TMEM71: variants seen among roughly 807,000 people sequenced by gnomAD.
The protein encoded by TMEM71 is transmembrane protein 71.
In TMEM71, 44 loss-of-function variants were observed where a neutral mutation model predicts 38.0. The observed-to-expected ratio is 1.16, with a 90% CI of 0.91 to 1.49. The LOEUF (loss-of-function observed/expected upper bound fraction) is 1.49. Among genes scored for constraint, TMEM71 ranks in the 40% most tolerant of loss-of-function variants. The probability of loss-of-function intolerance (pLI) is 0.00; values close to 1 mark genes in which losing one functional copy is unlikely to be tolerated. For missense variants in TMEM71, 367 were observed against 348.6 expected (o/e 1.05, Z -0.42); for synonymous variants, 133 against 122.5 (o/e 1.09, Z -0.56).
chr8:132,718,159 G>C (rs1021814057), intron 7 of TMEM71, among the ~76,000 whole-genome samples: 3 of 152,218 alleles, frequency 2.0e-5, no homozygotes, highest in Admixed American at 2.0e-4. Context: ...TATAGAATTA[G>C]AGTGGTGATG....
chr8:132,754,331 C>T (rs552211589), intron 3 of TMEM71, among the ~76,000 whole-genome samples: 1 of 152,244 alleles, frequency 6.6e-6, no homozygotes, highest in Admixed American at 6.5e-5. Flanking sequence ...CTATCGATTT[C>T]TAGTCTTTTT....
At chr8:132,722,872 A>G (rs762608196) in intron 6 of TMEM71, among the ~76,000 whole-genome samples, 2 of 152,252 alleles carry the variant, frequency 1.3e-5, no homozygotes, top group Non-Finnish European at 2.9e-5. Context: ...AGTTAATTCA[A>G]TCATGAACCT....
At chr8:132,747,965 G>A (rs1828485996) in intron 4 of TMEM71, among the ~76,000 whole-genome samples, 1 of 152,190 alleles carries the variant, frequency 6.6e-6, no homozygotes, top group Admixed American at 6.5e-5. Flanking sequence ...AGCAGAGGGT[G>A]GCTCAGAGGT....
chr8:132,771,031 A>G, the TMEM71 span, among the ~76,000 whole-genome samples: 1 of 152,248 alleles, frequency 6.6e-6, no homozygotes, highest in South Asian at 2.1e-4. Flanking sequence ...GATAAAAATC[A>G]GGAGAGGTGC....
chr8:132,752,899 C>A lies in TMEM71; in HGVS notation c.102-902G>T, dbSNP rs550745430. 3.3e-5 allele frequency among the ~76,000 whole-genome samples: 5 copies of A among 150,272 alleles called. No homozygotes were observed. The East Asian group carries it at 9.8e-4, about 29-fold the overall frequency. On this transcript the variant is annotated intron_variant, in intron 3 of 9. Transcript: ENST00000677595. ...AGGAAGGAAGGAAGGAATCACATGG[C>A]CCTATAATTGAAAGGCAACCAAATT...
At chr8:132,740,826 T>G (rs920243684) in intron 5 of TMEM71, among the ~76,000 whole-genome samples, 3 of 152,202 alleles carry the variant, frequency 2.0e-5, no homozygotes, top group African/African-American at 7.2e-5. Flanking sequence ...CACTTGAGAT[T>G]CTTAAGCATT....
At chr8:132,717,411 T>A (rs1175445852) in intron 7 of TMEM71, among the ~76,000 whole-genome samples, 2 of 152,182 alleles carry the variant, frequency 1.3e-5, no homozygotes, top group African/African-American at 4.8e-5. Flanking sequence ...ACAGCCTGGT[T>A]TAAAAAGTGT....
At chr8:132,727,384 G>A (rs1827203996) in intron 6 of TMEM71, among the ~76,000 whole-genome samples, 1 of 151,516 alleles carries the variant, frequency 6.6e-6, no homozygotes, top group East Asian at 2.0e-4. Flanking sequence ...AGCCTCCCGA[G>A]TAGCTGGGAC....
At chr8:132,762,513 A>T (rs1345158280), upstream of TMEM71, among the ~76,000 whole-genome samples, 1 of 152,030 alleles carries the variant, frequency 6.6e-6, no homozygotes, top group African/African-American at 2.4e-5. Flanking sequence ...CACATATTAG[A>T]ACCTTATTAT....
At chr8:132,712,759 G>T (rs543687376) in intron 9 of TMEM71, among the ~76,000 whole-genome samples, 17 of 152,268 alleles carry the variant, frequency 1.1e-4, no homozygotes, top group African/African-American at 4.1e-4. Context: ...TCTTAATAAA[G>T]ATTTGGTAAC....
intron 3 of TMEM71, among the ~76,000 whole-genome samples, chr8:132,756,726 A>C (rs1365724145): frequency 6.6e-6 from 1 of 151,650 alleles, no homozygotes; most frequent in Non-Finnish European, 1.5e-5. Flanking sequence ...AGCTGAGATT[A>C]CAGGCACATA....
chr8:132,753,675 A>G (rs1415985109), intron 3 of TMEM71, among the ~76,000 whole-genome samples: 2 of 152,172 alleles, frequency 1.3e-5, no homozygotes, highest in Non-Finnish European at 2.9e-5. Flanking sequence ...TCCCCCTCTA[A>G]GCCCATAATT....
chr8:132,758,417 A>C (rs78975341), intron 2 of TMEM71: 3,471 of 173,618 alleles, frequency 0.02, 57 homozygotes, highest in Middle Eastern at 0.056. Flanking sequence ...TGTGTGAGGG[A>C]GAGTTAGAAG....
Position 132,757,214 on chromosome 8 carries a change from A to G in TMEM71, c.101+20T>C, listed in dbSNP as rs772976909. ...CCCGGCCAGAATGATTATTTTTTTA[A>G]AAGAAGCCCCATAGTATACCTTGGG... On this transcript the variant is annotated intron_variant, in intron 3 of 9. Coordinates refer to ENST00000677595, the MANE Select transcript of TMEM71 (RefSeq NM_001382403.1). 2.5e-6 allele frequency: 4 copies of G among 1,593,086 alleles called. No individual in the cohort carries two copies. In the East Asian group the frequency reaches 6.7e-5, roughly 27 times the overall value.
At position 132,731,181 on chromosome 8, in the gene TMEM71, T is replaced by C. The variant is rs2131078727; in HGVS notation, c.488-3195A>G. Among the ~76,000 whole-genome samples, 3 of 152,326 alleles carry C rather than the reference T, an allele frequency of 2.0e-5. No homozygotes were observed. In the South Asian group the frequency reaches 6.2e-4, roughly 32 times the overall value. On this transcript the variant is annotated intron_variant, in intron 5 of 9. Transcript: ENST00000677595. ...AAGTGAAGGAGAAGAGACAAAAATG[T>C]AAACATACCAACATATAGTTTAGAT...
chr8:132,723,574 G>C (rs1282995255), intron 6 of TMEM71, among the ~76,000 whole-genome samples: 1 of 152,010 alleles, frequency 6.6e-6, no homozygotes, highest in Non-Finnish European at 1.5e-5. Context: ...ATTATACCTT[G>C]TTCATATCTC....
At chr8:132,772,054 T>A in the TMEM71 span, among the ~76,000 whole-genome samples, 1 of 152,224 alleles carries the variant, frequency 6.6e-6, no homozygotes. Flanking sequence ...AAAAAAAACT[T>A]GAACTGCTTT....
intron 5 of TMEM71, among the ~76,000 whole-genome samples, chr8:132,737,344 C>T (rs999725437): frequency 4.6e-5 from 7 of 152,184 alleles, no homozygotes; most frequent in African/African-American, 1.4e-4. Flanking sequence ...ATAACTTCTC[C>T]TTTGCCTTTG....
intron 5 of TMEM71, among the ~76,000 whole-genome samples, chr8:132,737,112 G>A (rs1321043784): frequency 1.3e-5 from 2 of 152,194 alleles, no homozygotes; most frequent in African/African-American, 4.8e-5. Context: ...AAGGAGGAGT[G>A]ACTGCGAGTG....
Sources: allele counts gnomAD v4.1 joint callset (sites outside exome capture counted in the v4.1 genomes callset), GRCh38; gene constraint gnomAD v4.1.1; transcripts MANE v1.5; gene names NCBI Gene and HGNC (gene_info 2026-07-23, HGNC 2026-07-21).